The following YBX1 variants were observed in gnomAD, a reference collection of about 807,000 sequenced individuals.
YBX1 encodes Y-box-binding protein 1.
A neutral mutation model predicts 41.4 loss-of-function variants in YBX1; 3 were observed. The observed-to-expected ratio is 0.07, with a 90% CI of 0.03 to 0.19. The LOEUF is 0.19. Among genes scored for constraint, YBX1 ranks in the 10% least tolerant of loss-of-function variants. The pLI is 1.00. For synonymous variants in YBX1, 133 were observed against 165.8 expected, an observed-to-expected ratio of 0.80 and a Z score of 1.52; for missense variants, 274 against 462.8, an observed-to-expected ratio of 0.59 and a Z score of 3.74.
At position 42,696,564 on chromosome 1, in the gene YBX1, A is replaced by G. The variant is rs1650465180; in HGVS notation, c.355-78A>G. On this transcript the variant is annotated intron_variant, in intron 4 of 7. Transcript: ENST00000321358. The surrounding 1 kb of genome is among the most constrained non-coding windows in gnomAD (Gnocchi z 5.7). Reference sequence around the variant, plus strand: ...TTGTTGTTTTTTGCTTTGTTTGAAAATGTTCTGATTTCCTTTTGAAAGTGT... The same window carrying G: ...TTGTTGTTTTTTGCTTTGTTTGAAAGTGTTCTGATTTCCTTTTGAAAGTGT... The G allele has an allele frequency of 1.3e-6, 1 of 798,636 alleles. No individual in the cohort carries two copies. The highest frequency in any genetic ancestry group is 3.3e-5 in the Admixed American group (1 of 30,134). The allele number at this position is 798,636 out of a possible 1,614,324, so 49.5% of individuals were successfully genotyped here.
intron 2 of YBX1, among the ~76,000 whole-genome samples, chr1:42,693,042 G>C (rs894034883): frequency 1.3e-5 from 2 of 152,100 alleles, no homozygotes; most frequent in African/African-American, 4.8e-5. Context: ...TTCTGTTGGT[G>C]GGGAGGGGGG....
At chr1:42,688,227 A>G (rs1368795008) in intron 2 of YBX1, among the ~76,000 whole-genome samples, 1 of 152,192 alleles carries the variant, frequency 6.6e-6, no homozygotes, top group Non-Finnish European at 1.5e-5. Context: ...AAGTCCACTT[A>G]CACACAGATT....
chr1:42,683,594 T>C, intron 2 of YBX1, 128 bp downstream of exon 2: 1 of 973,200 alleles, frequency 1.0e-6, no homozygotes, highest in South Asian at 1.5e-5. Context: ...CTCTGGTGTA[T>C]TAGTATGATT....
intron 2 of YBX1, among the ~76,000 whole-genome samples, chr1:42,692,777 C>G (rs1650370622): frequency 6.6e-6 from 1 of 152,286 alleles, no homozygotes; most frequent in Non-Finnish European, 1.5e-5. Flanking sequence ...CACCTTAATC[C>G]CAATATCCAG....
In YBX1 at chr1:42,682,536, C is replaced by T; in HGVS notation, c.-30C>T. On this transcript the variant is annotated 5_prime_UTR_variant, in exon 1 of 8. Transcript: ENST00000321358. The stretch of plus-strand genomic sequence containing the variant: ...ACCCCGGGAGGAGCCGCAGCTGCCG[C>T]AGCCGGCCCCAGTCACCATCACCGC... 1 of 1,442,952 alleles carries T rather than the reference C, an allele frequency of 6.9e-7. No homozygotes were observed. Among genetic ancestry groups the T allele is most frequent in the Non-Finnish European group, 9.1e-7 (1 of 1,103,754 alleles). The allele number at this position is 1,442,952 out of a possible 1,614,324, so 89.4% of individuals were successfully genotyped here. A position where few individuals can be genotyped will look rare whatever the true frequency, so the allele number is the denominator to read the frequency against.
In YBX1 at chr1:42,696,664, C is replaced by T; in HGVS notation, c.377C>T (p.Thr126Ile). Residue 126 changes from threonine (T) to isoleucine (I), a missense_variant, in exon 5 of 8, where the codon ACA becomes ATA. Coordinates refer to ENST00000321358, the MANE Select transcript of YBX1 (RefSeq NM_004559.5). This position sits in a 1 kb window ranked among gnomAD's most constrained non-coding sequence, Gnocchi z 5.7. The part of the protein sequence containing the change: ...GEKGAEAANV[T>I]GPGGVPVQGS... ...TAGGGTGCGGAGGCAGCAAATGTTA[C>T]AGGTCCTGGTGGTGTTCCAGTTCAA... The T allele has an allele frequency of 1.3e-6, 2 of 1,579,076 alleles. No individual in the cohort carries two copies. The highest frequency in any genetic ancestry group is 2.2e-5 in the East Asian group (1 of 44,556).
At chr1:42,692,186 C>T (rs934486932) in intron 2 of YBX1, among the ~76,000 whole-genome samples, 3 of 152,220 alleles carry the variant, frequency 2.0e-5, no homozygotes, top group Non-Finnish European at 4.4e-5. Context: ...AATCACTATT[C>T]TAGACTTTGC....
At position 42,696,511 on chromosome 1, in the gene YBX1, G is replaced by GCCCC. The variant is rs34273075; in HGVS notation, c.355-123_355-120dup. 9.2e-5 allele frequency: 43 copies of GCCCC among 469,020 alleles called. No homozygotes were observed. Among genetic ancestry groups the GCCCC allele is most frequent in the Middle Eastern group, 5.5e-4 (1 of 1,814 alleles). The allele number at this position is 469,020 out of a possible 1,614,324, so 29.1% of individuals were successfully genotyped here. A position where few individuals can be genotyped will look rare whatever the true frequency, so the allele number is the denominator to read the frequency against. The stretch of plus-strand genomic sequence containing the variant: ...TGTGCACCCCTGGTCACGCAGTTGC[G>GCCCC]CCCCCCCCCCCTTTTTTTTCCTTAA... On this transcript the variant is annotated intron_variant, in intron 4 of 7. Coordinates refer to ENST00000321358, the MANE Select transcript of YBX1 (RefSeq NM_004559.5). The surrounding 1 kb of genome is among the most constrained non-coding windows in gnomAD (Gnocchi z 5.7).
In YBX1 at chr1:42,683,105, C is replaced by A. The variant is rs1413359965; in HGVS notation, c.167-298C>A. ...GCGTGTGCTCGGAGGGCGCGGCGCA[C>A]CGCCTACGCAGGCCGGAGCGGCTTC... On this transcript the variant is annotated intron_variant, in intron 1 of 7. Coordinates refer to ENST00000321358, the MANE Select transcript of YBX1 (RefSeq NM_004559.5). The A allele has an allele frequency of 1.1e-5, 6 of 568,660 alleles. No individual in the cohort carries two copies. The Admixed American group carries it at 1.4e-4, about 13-fold the overall frequency. The allele number at this position is 568,660 out of a possible 1,614,324, so 35.2% of individuals were successfully genotyped here. A position where few individuals can be genotyped will look rare whatever the true frequency, so the allele number is the denominator to read the frequency against.
chr1:42,691,700 G>C (rs1219424241), intron 2 of YBX1, among the ~76,000 whole-genome samples: 1 of 152,136 alleles, frequency 6.6e-6, no homozygotes, highest in Non-Finnish European at 1.5e-5. Flanking sequence ...TGCATTTTTA[G>C]TGAATTTAAT....
chr1:42,698,289 A>G (rs922557894), intron 6 of YBX1, among the ~76,000 whole-genome samples: 3 of 152,194 alleles, frequency 2.0e-5, no homozygotes, highest in Non-Finnish European at 2.9e-5. Flanking sequence ...AGAGCAGCTG[A>G]TGTCATCATA....
rs1197719412 is a variant in YBX1 at position 42,683,530 on chromosome 1, C to T, written c.230+64C>T. On this transcript the variant is annotated intron_variant, in intron 2 of 7. Coordinates refer to ENST00000321358, the MANE Select transcript of YBX1 (RefSeq NM_004559.5). ...TGCTTGCTTCCTGCTCTGTCGGCTT[C>T]TCGGGGCTTGGGAAGCCCCAATCCA... 4 of 1,597,188 alleles carry T rather than the reference C, an allele frequency of 2.5e-6. No individual in the cohort carries two copies. In the East Asian group the frequency reaches 8.9e-5, roughly 36 times the overall value.
In YBX1 at chr1:42,682,467, G is replaced by C. The variant is rs1010546576; in HGVS notation, c.-99G>C. 3.1e-6 allele frequency: 4 copies of C among 1,286,284 alleles called. No individual in the cohort carries two copies. Among genetic ancestry groups the C allele is most frequent in the South Asian group, 1.9e-5 (1 of 53,426 alleles). The allele number at this position is 1,286,284 out of a possible 1,614,324, so 79.7% of individuals were successfully genotyped here. A position where few individuals can be genotyped will look rare whatever the true frequency, so the allele number is the denominator to read the frequency against. ...GGGAGCGGAGAGCGGACCCCAGAGA[G>C]CCCTGAGCAGCCCCACCGCCGCCGC... On this transcript the variant is annotated 5_prime_UTR_variant, in exon 1 of 8. Coordinates refer to ENST00000321358, the MANE Select transcript of YBX1 (RefSeq NM_004559.5).
chr1:42,693,420 G>T, intron 2 of YBX1, 70 bp from the exon 3 acceptor site: 1 of 1,589,080 alleles, frequency 6.3e-7, no homozygotes. Context: ...GAGTCTCTGG[G>T]AAAATTAATC....
At chr1:42,682,975 C>T (rs972843689) in intron 1 of YBX1, 4 of 160,960 alleles carry the variant, frequency 2.5e-5, no homozygotes, top group Non-Finnish European at 5.2e-5. Context: ...CCTGCGGCCG[C>T]GCGCCGCCGA....
At chr1:42,683,566 C>G (rs905251728) in intron 2 of YBX1, 100 bp downstream of exon 2, 8 of 1,367,012 alleles carry the variant, frequency 5.9e-6, no homozygotes, top group Non-Finnish European at 8.2e-6. Context: ...CAGCTCTGTT[C>G]TGAAAGGCGT....
intron 6 of YBX1, 119 bp downstream of exon 6, chr1:42,697,381 C>T: frequency 1.1e-6 from 1 of 950,962 alleles, no homozygotes; most frequent in Non-Finnish European, 1.6e-6. Flanking sequence ...TTTCTTTCAT[C>T]AGATGCCTAA....
intron 6 of YBX1, among the ~76,000 whole-genome samples, chr1:42,697,559 A>G (rs937074621): frequency 2.6e-5 from 4 of 152,222 alleles, no homozygotes; most frequent in African/African-American, 7.2e-5. Context: ...GAGAAAGGAA[A>G]GCATTAGGAG....
At chr1:42,688,838 A>C (rs1570417210) in intron 2 of YBX1, among the ~76,000 whole-genome samples, 1 of 152,254 alleles carries the variant, frequency 6.6e-6, no homozygotes, top group East Asian at 1.9e-4. Context: ...TAAGTGCAGT[A>C]CTGTACATGT....
Sources: gnomAD v4.1 joint callset for allele counts (sites outside exome capture counted in the v4.1 genomes callset) on GRCh38, gnomAD v4.1.1 for gene constraint, Gnocchi (gnomAD v3.1) non-coding constraint, MANE v1.5 for transcripts, NCBI Gene and HGNC (gene_info 2026-07-23, HGNC 2026-07-21) for gene names.